Variants in CYFIP1 observed in about 807,000 individuals in gnomAD.
CYFIP1 encodes the protein cytoplasmic FMR1 interacting protein 1.
A neutral mutation model predicts 163.5 loss-of-function variants in CYFIP1; 58 were observed. That is an observed-to-expected ratio of 0.35 (90% CI 0.29 to 0.44). CYFIP1 has a LOEUF of 0.44. Among genes scored for constraint, CYFIP1 ranks in the 20% least tolerant of loss-of-function variants. The pLI, the probability that CYFIP1 is intolerant of heterozygous loss-of-function variation, is 1.00. For synonymous variants in CYFIP1, 663 were observed against 660.7 expected (o/e 1.00, Z -0.05); for missense variants, 1,338 against 1,653.8 (o/e 0.81, Z 3.31).
chr15:22,905,556 A>C (rs1005103007), intron 21 of CYFIP1: 5 of 147,486 alleles, frequency 3.4e-5, no homozygotes, highest in Non-Finnish European at 7.4e-5. Context: ...CCCCTGCCTC[A>C]GCATCCCGAG....
upstream of CYFIP1, chr15:22,980,515 T>G (rs2063451398): frequency 6.6e-6 from 1 of 151,020 alleles, no homozygotes; most frequent in East Asian, 2.0e-4. Flanking sequence ...GGCGGCCCCT[T>G]TCCCCACGCC....
chr15:22,947,247 G>A lies in CYFIP1; in HGVS notation c.39C>T (p.Asn13=), dbSNP rs764145534. Reference sequence around the variant, plus strand: ...GGGGCAGCTCCTCCAGGAGGTCCACGTTGGACAGCGCGTCCTCCAGAGTCA... The same window carrying A: ...GGGGCAGCTCCTCCAGGAGGTCCACATTGGACAGCGCGTCCTCCAGAGTCA... ...AQVTLEDALS[N]VDLLEELPLP... The change falls in exon 2 of 31, where the codon AAC becomes AAT. Residue 13 remains asparagine, a synonymous_variant. Coordinates refer to ENST00000617928, the MANE Select transcript of CYFIP1 (RefSeq NM_014608.6). 67 of 1,613,904 alleles carry A rather than the reference G, an allele frequency of 4.2e-5. No homozygotes were observed. Among genetic ancestry groups the A allele is most frequent in the Non-Finnish European group, 5.1e-5 (60 of 1,179,928 alleles).
At chr15:22,926,195 A>G (rs2142172044) in intron 12 of CYFIP1, 88 bp from the exon 13 acceptor site, 1 of 1,575,622 alleles carries the variant, frequency 6.3e-7, no homozygotes, top group Non-Finnish European at 8.7e-7. Context: ...GGCCAAAGCC[A>G]GGCCAGCCTT....
At position 22,875,543 on chromosome 15, in the gene CYFIP1, A is replaced by G. The variant is rs561769424; in HGVS notation, c.3043-272T>C. ...ATTTTTAGTTACATTTAATTAATGT[A>G]AATATAGACACAGGTAAGACCCAGT... On this transcript the variant is annotated intron_variant, in intron 26 of 30. Coordinates refer to ENST00000617928, the MANE Select transcript of CYFIP1 (RefSeq NM_014608.6). 270 of 401,132 alleles carry G rather than the reference A, an allele frequency of 6.7e-4. 4 individuals carry two copies. In the South Asian group the frequency reaches 7.3e-3, roughly 11 times the overall value. The allele number at this position is 401,132 out of a possible 1,614,324, so 24.8% of individuals were successfully genotyped here.
chr15:22,964,210 A>G (rs58759374), intron 1 of CYFIP1, among the ~76,000 whole-genome samples: 19,739 of 144,870 alleles, frequency 0.14, 1,807 homozygotes, highest in African/African-American at 0.24. Context: ...TCCCAGCCAG[A>G]TGATGAGCTT....
chr15:22,904,029 T>C (rs778270408), intron 21 of CYFIP1, 124 bp from the exon 22 acceptor site: 93 of 850,616 alleles, frequency 1.1e-4, no homozygotes, highest in Non-Finnish European at 1.5e-4. Flanking sequence ...CAGCCCCCAG[T>C]GAGCGTAGGC....
chr15:22,869,163 T>G lies in CYFIP1; in HGVS notation c.*865A>C, dbSNP rs560706898. 6.6e-6 allele frequency: 1 copy of G among 152,170 alleles called. No homozygotes were observed. The highest frequency in any genetic ancestry group is 2.4e-5 in the African/African-American group (1 of 41,374). 9.4% of individuals were successfully genotyped at this position (152,170 alleles called of 1,614,324 possible). A position where few individuals can be genotyped will look rare whatever the true frequency, so the allele number is the denominator to read the frequency against. On this transcript the variant is annotated 3_prime_UTR_variant, in exon 31 of 31. Transcript: ENST00000617928. ...CAGCACCCACTGGGCCTGACTGATC[T>G]CCTCCCACATTGCTGGCTTCCTCCA... is the stretch of plus-strand genomic sequence containing the variant.
In CYFIP1 at chr15:22,903,736, G is replaced by C. The variant is rs765692164; in HGVS notation, c.2558C>G (p.Pro853Arg). Residue 853 changes from proline (P) to arginine (R), a missense_variant, in exon 22 of 31, where the codon CCC becomes CGC. Coordinates refer to ENST00000617928, the MANE Select transcript of CYFIP1 (RefSeq NM_014608.6). ...GGTAGAGCCGTTGTAGCAGTAGTTG[G>C]GCAGGAAGTCATAGTTGAGCTCCCA... is the stretch of plus-strand genomic sequence containing the variant. ...VFWELNYDFL[P>R]NYCYNGSTNR... is the part of the protein sequence containing the mutation. 6.2e-7 allele frequency: 1 copy of C among 1,614,032 alleles called. No homozygotes were observed. Among genetic ancestry groups the C allele is most frequent in the Non-Finnish European group, 8.5e-7 (1 of 1,180,036 alleles).
At chr15:22,934,161 AT>A (rs1170883007) in intron 9 of CYFIP1, among the ~76,000 whole-genome samples, 1 of 144,884 alleles carries the variant, frequency 6.9e-6, no homozygotes, top group Admixed American at 6.9e-5. Context: ...AAAAAAAAAA[AT>A]CACTGCATTT....
At chr15:22,962,293 C>T (rs1310867453) in intron 1 of CYFIP1, among the ~76,000 whole-genome samples, 1 of 152,148 alleles carries the variant, frequency 6.6e-6, no homozygotes, top group East Asian at 1.9e-4. Flanking sequence ...CACCGAAAGG[C>T]AGAGTCCTGC....
chr15:22,930,250 C>T (rs1341081905), intron 11 of CYFIP1, among the ~76,000 whole-genome samples: 2 of 151,356 alleles, frequency 1.3e-5, no homozygotes, highest in Admixed American at 1.3e-4. Context: ...AAAAATTAGC[C>T]GGGCGTAGTG....
chr15:22,897,970 C>T (rs919706261), intron 22 of CYFIP1, among the ~76,000 whole-genome samples: 2 of 152,178 alleles, frequency 1.3e-5, no homozygotes, highest in African/African-American at 4.8e-5. Context: ...TCATATGCCA[C>T]CCTGCAAATT....
intron 22 of CYFIP1, among the ~76,000 whole-genome samples, chr15:22,893,318 G>A (rs774322010): frequency 1.3e-5 from 2 of 152,160 alleles, no homozygotes; most frequent in Non-Finnish European, 2.9e-5. Context: ...CCTGTGACGA[G>A]AACGGCGACG....
rs1384496868 is a variant in CYFIP1 at position 22,868,006 on chromosome 15, G to C, written c.*2022C>G. 1 of 152,254 alleles carries C rather than the reference G, an allele frequency of 6.6e-6. No homozygotes were observed. Among genetic ancestry groups the C allele is most frequent in the Non-Finnish European group, 1.5e-5 (1 of 68,056 alleles). 9.4% of individuals were successfully genotyped at this position (152,254 alleles called of 1,614,324 possible). On this transcript the variant is annotated 3_prime_UTR_variant, in exon 31 of 31. Coordinates refer to ENST00000617928, the MANE Select transcript of CYFIP1 (RefSeq NM_014608.6). ...TATTGGCAGAATTAATTTCCACCTA[G>C]GTGATGGGAAGAAAGTGTTCGCCTG...
chr15:22,952,957 A>C (rs2062309797), intron 1 of CYFIP1, among the ~76,000 whole-genome samples: 1 of 152,086 alleles, frequency 6.6e-6, no homozygotes, highest in African/African-American at 2.4e-5. Context: ...CCTATTCTTC[A>C]CATTTTCATA....
chr15:22,916,985 C>T, intron 15 of CYFIP1: 1 of 1,551,416 alleles, frequency 6.4e-7, no homozygotes, highest in Non-Finnish European at 8.7e-7. Context: ...GCCTGAGCAG[C>T]TCGGCAGAGC....
At chr15:22,889,050 A>AC (rs1555399961) in intron 23 of CYFIP1, among the ~76,000 whole-genome samples, 1 of 150,968 alleles carries the variant, frequency 6.6e-6, no homozygotes, top group African/African-American at 2.5e-5. Context: ...AAAAAAAAAA[A>AC]CACACAAAAA....
At chr15:22,977,890 G>A (rs747205133) in intron 1 of CYFIP1, among the ~76,000 whole-genome samples, 1 of 151,796 alleles carries the variant, frequency 6.6e-6, no homozygotes, top group Non-Finnish European at 1.5e-5. Context: ...GAGGGAGGGA[G>A]ATGTTAGCTA....
At chr15:22,977,057 G>C (rs898261376) in intron 1 of CYFIP1, among the ~76,000 whole-genome samples, 23 of 152,264 alleles carry the variant, frequency 1.5e-4, no homozygotes, top group African/African-American at 5.5e-4. Flanking sequence ...AAATTAGCCA[G>C]ACATGGTGGC....
Sources: gnomAD v4.1 joint callset for allele counts (sites outside exome capture counted in the v4.1 genomes callset) on GRCh38, gnomAD v4.1.1 for gene constraint, MANE v1.5 for transcripts, NCBI Gene and HGNC (gene_info 2026-07-23, HGNC 2026-07-21) for gene names.